The following CADM2 variants were observed in gnomAD, a reference collection of about 807,000 sequenced individuals.
CADM2 encodes the protein cell adhesion molecule 2, also known as immunoglobulin superfamily member 4D.
In CADM2, 12 loss-of-function variants were observed where a neutral mutation model predicts 49.8. The ratio of observed to expected loss-of-function variants is 0.24; its 90% CI spans 0.15 to 0.39. The LOEUF (loss-of-function observed/expected upper bound fraction) is 0.39, where lower values mean the gene tolerates loss of function less well. Ranked by LOEUF, CADM2 falls within the 10% of genes least tolerant of loss-of-function variation. The probability of loss-of-function intolerance (pLI) is 1.00; values close to 1 mark genes in which losing one functional copy is unlikely to be tolerated. For synonymous variants in CADM2, 214 were observed against 175.4 expected (o/e 1.22, Z -1.74); for missense variants, 378 against 492.3 (o/e 0.77, Z 2.20).
At chr3:85,386,355 G>A (rs1224115625) in intron 1 of CADM2, among the ~76,000 whole-genome samples, 5 of 152,094 alleles carry the variant, frequency 3.3e-5, no homozygotes, top group African/African-American at 1.2e-4. Flanking sequence ...AGGAGAGCAG[G>A]TCCCATCCTG....
At position 85,126,861 on chromosome 3, in the gene CADM2, C is replaced by T. The variant is rs184058156; in HGVS notation, c.61+167193C>T. ...GAGAATCATATTGCTGTGAGTTATT[C>T]TGCTAATTTCTTTTTTCTAGGATAA... On this transcript the variant is annotated intron_variant, in intron 1 of 9. Coordinates refer to ENST00000383699, the MANE Select transcript of CADM2 (RefSeq NM_001167675.2). Among the ~76,000 whole-genome samples the T allele has an allele frequency of 5.6e-3, 851 of 152,046 alleles. 9 individuals are homozygous for T. The highest frequency in any genetic ancestry group is 8.5e-3 in the Non-Finnish European group (576 of 67,946).
At chr3:85,493,528 GA>G (rs201272705) in intron 1 of CADM2, among the ~76,000 whole-genome samples, 27 of 152,076 alleles carry the variant, frequency 1.8e-4, no homozygotes, top group Admixed American at 1.2e-3. Context: ...TTCTTCCAGT[GA>G]AAAAAGCACA....
rs571190993 is a variant in CADM2 at position 85,432,057 on chromosome 3, T to C, written c.62-294465T>C. Reference sequence around the variant, plus strand: ...GTGCCTAAAAGTGGCTTTCCTGAAATTGGGAGAACAGAAGACATTGGAAAA... The same window carrying C: ...GTGCCTAAAAGTGGCTTTCCTGAAACTGGGAGAACAGAAGACATTGGAAAA... On this transcript the variant is annotated intron_variant, in intron 1 of 9. Transcript: ENST00000383699. Among the ~76,000 whole-genome samples, 278 of 148,894 alleles carry C rather than the reference T, an allele frequency of 1.9e-3. 3 individuals carry two copies. Among genetic ancestry groups the C allele is most frequent in the African/African-American group, 6.4e-3 (261 of 40,526 alleles).
intron 8 of CADM2, among the ~76,000 whole-genome samples, chr3:86,056,447 CT>C (rs1218777878): frequency 2.0e-5 from 3 of 152,168 alleles, no homozygotes; most frequent in Non-Finnish European, 4.4e-5. Flanking sequence ...AACAGGGTAT[CT>C]TTTTCAAGGA....
intron 1 of CADM2, among the ~76,000 whole-genome samples, chr3:85,576,059 C>G (rs1378839355): frequency 1.6e-4 from 24 of 152,204 alleles, no homozygotes; most frequent in Non-Finnish European, 7.4e-5. Flanking sequence ...AAAGTTCACT[C>G]CATAAATGAT....
intron 2 of CADM2, among the ~76,000 whole-genome samples, chr3:85,768,699 AATATACACATATACACACATATAGTAT>A (rs2069810447): frequency 6.8e-6 from 1 of 146,208 alleles, no homozygotes; most frequent in Non-Finnish European, 1.5e-5. Flanking sequence ...ATATAGTATA[AATATACACATATACACACATATAGTAT>A]ATATACACAT....
chr3:86,039,785 C>T (rs1413679634), intron 8 of CADM2, among the ~76,000 whole-genome samples: 1 of 152,078 alleles, frequency 6.6e-6, no homozygotes, highest in East Asian at 1.9e-4. Flanking sequence ...AGACTACCTC[C>T]TCAAGTGGGT....
intron 1 of CADM2, among the ~76,000 whole-genome samples, chr3:85,644,305 C>T (rs2064821938): frequency 6.6e-6 from 1 of 151,964 alleles, no homozygotes; most frequent in East Asian, 1.9e-4. Context: ...AGAAGGATGC[C>T]AGTCTTACTG....
At chr3:85,236,542 A>T (rs1258877682) in intron 1 of CADM2, among the ~76,000 whole-genome samples, 1 of 152,120 alleles carries the variant, frequency 6.6e-6, no homozygotes, top group Non-Finnish European at 1.5e-5. Flanking sequence ...AGATATAGTT[A>T]TTTGCCATTT....
intron 1 of CADM2, among the ~76,000 whole-genome samples, chr3:85,575,558 A>T (rs2062608173): frequency 6.6e-6 from 1 of 152,200 alleles, no homozygotes; most frequent in Non-Finnish European, 1.5e-5. Flanking sequence ...CTCAAAAACA[A>T]AACATAAAAA....
intron 1 of CADM2, among the ~76,000 whole-genome samples, chr3:85,383,529 T>C (rs868382317): frequency 1.6e-4 from 22 of 141,396 alleles, no homozygotes; most frequent in Admixed American, 3.5e-4. Context: ...TATATATATA[T>C]ATATATATAC....
At chr3:85,719,061 C>T (rs907827557) in intron 1 of CADM2, among the ~76,000 whole-genome samples, 6 of 151,622 alleles carry the variant, frequency 4.0e-5, no homozygotes, top group South Asian at 2.1e-4. Context: ...TACAGGTGCC[C>T]GCCACCACGC....
intron 7 of CADM2, among the ~76,000 whole-genome samples, chr3:85,943,002 T>C (rs1722143308): frequency 6.6e-6 from 1 of 152,098 alleles, no homozygotes; most frequent in African/African-American, 2.4e-5. Context: ...ACCTGTTGTT[T>C]CCTGACTTTT....
At chr3:85,793,743 G>A (rs1240676676) in intron 2 of CADM2, among the ~76,000 whole-genome samples, 1 of 152,124 alleles carries the variant, frequency 6.6e-6, no homozygotes, top group East Asian at 1.9e-4. Flanking sequence ...GGTGTAAAAG[G>A]TCTAAATGCA....
At chr3:85,509,953 GTAA>G (rs1390653597) in intron 1 of CADM2, among the ~76,000 whole-genome samples, 1 of 151,782 alleles carries the variant, frequency 6.6e-6, no homozygotes, top group African/African-American at 2.4e-5. Context: ...TATAATCATG[GTAA>G]TAATAATTTA....
At chr3:85,562,478 C>CAAAAAAA (rs10533481) in intron 1 of CADM2, among the ~76,000 whole-genome samples, 1 of 65,502 alleles carries the variant, frequency 1.5e-5, no homozygotes, top group Non-Finnish European at 2.5e-5. Context: ...AACTCCATCT[C>CAAAAAAA]AAAAAAAAAA....
At chr3:85,327,721 T>C (rs894851400) in intron 1 of CADM2, among the ~76,000 whole-genome samples, 1 of 152,210 alleles carries the variant, frequency 6.6e-6, no homozygotes, top group African/African-American at 2.4e-5. Flanking sequence ...TATTCTTTTC[T>C]GTTGACAATA....
chr3:85,468,596 C>T (rs568103760), intron 1 of CADM2, among the ~76,000 whole-genome samples: 1 of 92,778 alleles, frequency 1.1e-5, no homozygotes, highest in African/African-American at 3.0e-5. Context: ...TTTTTTTGAC[C>T]AGAATATGCC....
At chr3:85,469,524 A>G (rs2038673570) in intron 1 of CADM2, among the ~76,000 whole-genome samples, 1 of 152,126 alleles carries the variant, frequency 6.6e-6, no homozygotes, top group Non-Finnish European at 1.5e-5. Context: ...AGCACCAAAT[A>G]TGATTTATTT....
Sources: allele counts gnomAD v4.1 joint callset (sites outside exome capture counted in the v4.1 genomes callset), GRCh38; gene constraint gnomAD v4.1.1; transcripts MANE v1.5; gene names NCBI Gene and HGNC (gene_info 2026-07-23, HGNC 2026-07-21).